SYNE1: variants seen among roughly 807,000 people sequenced by gnomAD.
SYNE1 encodes spectrin repeat containing nuclear envelope protein 1.
A neutral mutation model predicts 1,111.0 loss-of-function variants in SYNE1; 616 were observed. The observed-to-expected ratio is 0.55, with a 90% CI of 0.52 to 0.59. SYNE1 has a LOEUF of 0.59. SYNE1 is among the 20% of genes least tolerant of loss of function. The probability of loss-of-function intolerance (pLI) is 0.00; values close to 1 mark genes in which losing one functional copy is unlikely to be tolerated. For missense variants in SYNE1, 10,006 were observed against 10,417.0 expected, an observed-to-expected ratio of 0.96 and a Z score of 1.72; for synonymous variants, 3,855 against 3,825.8, an observed-to-expected ratio of 1.01 and a Z score of -0.28.
At chr6:152,170,140 T>A (rs1487319566) in intron 130 of SYNE1, among the ~76,000 whole-genome samples, 1 of 152,150 alleles carries the variant, frequency 6.6e-6, no homozygotes, top group Non-Finnish European at 1.5e-5. Flanking sequence ...AATTTGAAAT[T>A]TTTTTCATGC....
chr6:152,369,112 T>C lies in SYNE1; in HGVS notation c.9667A>G (p.Ile3223Val). 3 of 1,613,730 alleles carry C rather than the reference T, an allele frequency of 1.9e-6. No individual in the cohort carries two copies. The highest frequency in any genetic ancestry group is 2.5e-6 in the Non-Finnish European group (3 of 1,180,024). Residue 3223 changes from isoleucine (I) to valine (V), a missense_variant, in exon 61 of 146, where the codon ATA (isoleucine) becomes GTA (valine). This residue lies in a region of SYNE1 where 4,955 missense variants were observed against 5,017.2 expected (regional missense o/e 0.99). Transcript: ENST00000367255. ...TTGAGCTGAGGCTCGTAGCAGTGTA[T>C]TTCCTCAAGGACAGACTGAAAAGCA... The part of the protein sequence containing the change: ...QQKLQSVLEE[I>V]HCYEPQLNRL...
In SYNE1 at chr6:152,483,083, A is replaced by G. The variant is rs755900476; in HGVS notation, c.1350+2T>C. 1 of 1,614,098 alleles carries G rather than the reference A, an allele frequency of 6.2e-7. No homozygotes were observed. Among genetic ancestry groups the G allele is most frequent in the Non-Finnish European group, 8.5e-7 (1 of 1,179,980 alleles). ...GCAAGGTTTTCCAACCAGAATTTTT[A>G]CCTTATGTTGCTCAAGTTTCCGTTG... On this transcript the variant is annotated splice_donor_variant, in intron 14 of 145. Transcript: ENST00000367255. LOFTEE classifies it high-confidence loss of function.
chr6:152,279,278 A>C (rs2093868015), intron 97 of SYNE1, among the ~76,000 whole-genome samples: 2 of 138,702 alleles, frequency 1.4e-5, no homozygotes, highest in South Asian at 4.5e-4. Flanking sequence ...AAAAAAAAAC[A>C]AAAAAAAGTT....
chr6:152,596,348 G>A (rs2099581751), intron 3 of SYNE1, among the ~76,000 whole-genome samples: 1 of 149,806 alleles, frequency 6.7e-6, no homozygotes, highest in South Asian at 2.1e-4. Context: ...ACCTCCCAGA[G>A]GAGTTCAAGA....
chr6:152,270,509 C>T (rs1013296471), intron 98 of SYNE1, among the ~76,000 whole-genome samples: 3 of 152,240 alleles, frequency 2.0e-5, no homozygotes, highest in South Asian at 2.1e-4. Flanking sequence ...TTGATCCTTC[C>T]TGCCTGATTA....
At position 152,232,239 on chromosome 6, in the gene SYNE1, G is replaced by A. The variant is rs967590947; in HGVS notation, c.20739C>T (p.Arg6913=). The change falls in exon 113 of 146, where the codon CGC becomes CGT. Residue 6913 remains arginine (R), a synonymous_variant. Coordinates refer to ENST00000367255, the MANE Select transcript of SYNE1 (RefSeq NM_182961.4). ...AACTCATGACTTCAGAAATGGCATGGCGGGAAGGCAGTTTATCCATCTGGA... is the reference window on the plus strand; with the variant it reads ...AACTCATGACTTCAGAAATGGCATGACGGGAAGGCAGTTTATCCATCTGGA... ...HQLQMDKLPS[R]HAISEVMSWI... is the part of the protein sequence containing the mutation. 6.2e-7 allele frequency: 1 copy of A among 1,613,922 alleles called. No homozygotes were observed. The highest frequency in any genetic ancestry group is 2.2e-5 in the East Asian group (1 of 44,828).
At chr6:152,544,302 C>T (rs1470468737) in intron 3 of SYNE1, among the ~76,000 whole-genome samples, 5 of 152,134 alleles carry the variant, frequency 3.3e-5, no homozygotes, top group Non-Finnish European at 1.5e-5. Flanking sequence ...GGTTCACATT[C>T]TCCTTCTCTC....
At position 152,511,628 on chromosome 6, in the gene SYNE1, A is replaced by C. The variant is rs371040950; in HGVS notation, c.310-525T>G. The C allele has an allele frequency of 1.1e-5, 17 of 1,599,786 alleles. No homozygotes were observed. The African/African-American group carries it at 2.0e-4, about 19-fold the overall frequency. On this transcript the variant is annotated intron_variant, in intron 6 of 145. Coordinates refer to ENST00000367255, the MANE Select transcript of SYNE1 (RefSeq NM_182961.4). ...AACAAAGGGAGAAGATAATAGATATACATAAATCATCTTTCAAAATCAGCA... is the reference window on the plus strand; with the variant it reads ...AACAAAGGGAGAAGATAATAGATATCCATAAATCATCTTTCAAAATCAGCA...
At chr6:152,326,871 G>A (rs1563090526) in intron 78 of SYNE1, among the ~76,000 whole-genome samples, 1 of 152,052 alleles carries the variant, frequency 6.6e-6, no homozygotes, top group Non-Finnish European at 1.5e-5. Flanking sequence ...GACAGAAATG[G>A]GATAGAAATT....
chr6:152,225,601 A>G lies in SYNE1; in HGVS notation c.21351+120T>C. ...AGGATAACGAAGTGGACTTAAAAGT[A>G]CAAGGAGATAATGTATAGATTTGAT... is the stretch of plus-strand genomic sequence containing the variant. On this transcript the variant is annotated intron_variant, in intron 116 of 145. Coordinates refer to ENST00000367255, the MANE Select transcript of SYNE1 (RefSeq NM_182961.4). The G allele has an allele frequency of 3.3e-6, 4 of 1,211,930 alleles. 1 individual carries two copies. In the South Asian group the frequency reaches 5.1e-5, roughly 16 times the overall value. The allele number at this position is 1,211,930 out of a possible 1,614,324, so 75.1% of individuals were successfully genotyped here.
At chr6:152,355,254 G>A (rs1035860986) in intron 66 of SYNE1, among the ~76,000 whole-genome samples, 2 of 152,022 alleles carry the variant, frequency 1.3e-5, no homozygotes, top group African/African-American at 4.8e-5. Flanking sequence ...TTAGCTAACA[G>A]GCAAAAACAC....
chr6:152,510,494 C>A, intron 7 of SYNE1, 123 bp from the exon 8 acceptor site: 2 of 1,164,732 alleles, frequency 1.7e-6, no homozygotes, highest in Non-Finnish European at 2.5e-6. Flanking sequence ...TGACAAAATG[C>A]AAGCTCTTAA....
intron 139 of SYNE1, among the ~76,000 whole-genome samples, chr6:152,140,881 A>G (rs1173231117): frequency 1.3e-5 from 2 of 151,814 alleles, no homozygotes; most frequent in Non-Finnish European, 2.9e-5. Context: ...AAAATACAAA[A>G]AAATTTAGCT....
intron 87 of SYNE1, among the ~76,000 whole-genome samples, chr6:152,312,870 A>T (rs1342245467): frequency 6.6e-6 from 1 of 152,140 alleles, no homozygotes; most frequent in Non-Finnish European, 1.5e-5. Flanking sequence ...CGTTACCGGA[A>T]AAAGGTCCCA....
intron 104 of SYNE1, among the ~76,000 whole-genome samples, chr6:152,254,160 A>G (rs900669435): frequency 6.6e-6 from 1 of 151,342 alleles, no homozygotes; most frequent in South Asian, 2.1e-4. Flanking sequence ...CACAGGTAGA[A>G]GTAATTAGAC....
chr6:152,502,875 T>C, intron 9 of SYNE1, 133 bp from the exon 10 acceptor site: 1 of 718,136 alleles, frequency 1.4e-6, no homozygotes, highest in Non-Finnish European at 2.4e-6. Context: ...TTTAGAATTT[T>C]GGACGGGGAG....
At chr6:152,439,585 G>A (rs945508401) in intron 32 of SYNE1, among the ~76,000 whole-genome samples, 5 of 152,102 alleles carry the variant, frequency 3.3e-5, no homozygotes, top group Non-Finnish European at 2.9e-5. Context: ...GATGAATATC[G>A]TATAGACTTG....
intron 105 of SYNE1, among the ~76,000 whole-genome samples, chr6:152,247,725 T>A (rs1425990024): frequency 1.7e-5 from 2 of 114,956 alleles, no homozygotes; most frequent in African/African-American, 3.8e-5. Flanking sequence ...ATATATTTTT[T>A]ATTATATATA....
intron 14 of SYNE1, among the ~76,000 whole-genome samples, chr6:152,473,301 C>G (rs977907906): frequency 6.6e-6 from 1 of 152,000 alleles, no homozygotes. Flanking sequence ...ATTAGACCAC[C>G]AAAATAATAC....
Sources: allele counts gnomAD v4.1 joint callset (sites outside exome capture counted in the v4.1 genomes callset), GRCh38; gene constraint gnomAD v4.1.1; regional missense constraint gnomAD v4.1.1; transcripts MANE v1.5; gene names NCBI Gene and HGNC (gene_info 2026-07-23, HGNC 2026-07-21).